Variants in RANBP3 observed in about 807,000 individuals in gnomAD.
The protein encoded by RANBP3 is ran-binding protein 3.
RANBP3 carries 14 observed loss-of-function variants against 77.3 expected under a neutral mutation model. The ratio of observed to expected loss-of-function variants is 0.18; its 90% CI spans 0.12 to 0.28. The LOEUF is 0.28. RANBP3 is among the 10% of genes least tolerant of loss of function. The pLI is 1.00. For missense variants in RANBP3, 586 were observed against 752.3 expected, an observed-to-expected ratio of 0.78 and a Z score of 2.59; for synonymous variants, 315 against 312.4, an observed-to-expected ratio of 1.01 and a Z score of -0.09.
Position 5,917,948 on chromosome 19 carries a change from T to C in RANBP3, c.1506A>G (p.Ala502=). The C allele has an allele frequency of 6.2e-7, 1 of 1,608,546 alleles. No individual in the cohort carries two copies. Among genetic ancestry groups the C allele is most frequent in the Non-Finnish European group, 8.5e-7 (1 of 1,177,016 alleles). ...GGGCCAGGATGCGGTGGTGCAGGGCTGCATACAACTGACCTGTGTCCTTGG... is the reference window on the plus strand; with the variant it reads ...GGGCCAGGATGCGGTGGTGCAGGGCCGCATACAACTGACCTGTGTCCTTGG... ...ASSKDTGQLY[A]ALHHRILALR... The change falls in exon 16 of 17, where the codon GCA becomes GCG. Residue 502 remains alanine (A), a synonymous_variant. Transcript: ENST00000340578.
intron 5 of RANBP3, among the ~76,000 whole-genome samples, chr19:5,935,382 C>T (rs867429505): frequency 1.3e-5 from 2 of 152,216 alleles, no homozygotes; most frequent in East Asian, 3.8e-4. Context: ...CTGCAGGATG[C>T]GGGGGTGAGC....
intron 2 of RANBP3, among the ~76,000 whole-genome samples, chr19:5,957,238 T>G (rs565790663): frequency 6.6e-5 from 10 of 152,276 alleles, no homozygotes; most frequent in African/African-American, 2.2e-4. Flanking sequence ...GCCGATGGCT[T>G]CAAGGTAAAT....
chr19:5,963,638 T>A (rs2058430281), intron 1 of RANBP3, among the ~76,000 whole-genome samples: 1 of 152,192 alleles, frequency 6.6e-6, no homozygotes, highest in African/African-American at 2.4e-5. Context: ...TCCAGGGACA[T>A]CCACAATGAG....
At chr19:5,965,149 G>A (rs2058451917) in intron 1 of RANBP3, among the ~76,000 whole-genome samples, 1 of 152,102 alleles carries the variant, frequency 6.6e-6, no homozygotes, top group South Asian at 2.1e-4. Context: ...GGGGCTTGAG[G>A]AGGTGGGCCC....
intron 9 of RANBP3, 40 bp downstream of exon 9, chr19:5,927,928 G>A: frequency 2.5e-6 from 4 of 1,574,040 alleles, no homozygotes; most frequent in East Asian, 2.3e-5. Flanking sequence ...ACCTGGGGAA[G>A]GCATAAAAAG....
rs544479501 is a variant in RANBP3, at chr19:5,947,030, C to T, written c.282+4363G>A. Among the ~76,000 whole-genome samples, 19 of 152,298 alleles carry T rather than the reference C, an allele frequency of 1.2e-4. 1 individual carries two copies. Among genetic ancestry groups the T allele is most frequent in the Admixed American group, 1.2e-3 (18 of 15,306 alleles). On this transcript the variant is annotated intron_variant, in intron 3 of 16. Transcript: ENST00000340578. ...TCAGGAGGATTTTAAGAGCAAGCTC[C>T]AGGCCGGGCACGGTGGCTCATGCCT...
intron 3 of RANBP3, among the ~76,000 whole-genome samples, chr19:5,944,822 T>A (rs1477049225): frequency 6.6e-6 from 1 of 152,204 alleles, no homozygotes; most frequent in African/African-American, 2.4e-5. Context: ...AGTCCCATCC[T>A]GTGGCTCTAG....
intron 5 of RANBP3, 196 bp from the exon 6 acceptor site, chr19:5,933,675 A>G (rs910866988): frequency 9.4e-6 from 5 of 531,322 alleles, no homozygotes; most frequent in African/African-American, 7.8e-5. Context: ...GGGGAGAGAC[A>G]AGGGCAGGAG....
intron 3 of RANBP3, among the ~76,000 whole-genome samples, chr19:5,946,980 G>A (rs1322378935): frequency 6.6e-6 from 1 of 152,192 alleles, no homozygotes; most frequent in Non-Finnish European, 1.5e-5. Flanking sequence ...CTCAGGGTCA[G>A]CCCCCAGAGG....
chr19:5,921,414 C>T lies in RANBP3; in HGVS notation c.1210-93G>A, dbSNP rs1265174289. 6.6e-7 allele frequency: 1 copy of T among 1,516,678 alleles called. No homozygotes were observed. Among genetic ancestry groups the T allele is most frequent in the Non-Finnish European group, 8.9e-7 (1 of 1,124,858 alleles). 94.0% of individuals were successfully genotyped at this position (1,516,678 alleles called of 1,614,324 possible). On this transcript the variant is annotated intron_variant, in intron 13 of 16. Transcript: ENST00000340578. The surrounding 1 kb of genome is among the most constrained non-coding windows in gnomAD (Gnocchi z 5.3). ...GTCGCCCTTTAGCCTGTGGGGACTG[C>T]CAGGGCCAGCCAACGACGGCCTGGG...
intron 1 of RANBP3, among the ~76,000 whole-genome samples, chr19:5,966,224 G>A (rs1421784606): frequency 6.6e-6 from 1 of 152,210 alleles, no homozygotes; most frequent in African/African-American, 2.4e-5. Flanking sequence ...AGCACCTATG[G>A]AGGAGCACGA....
chr19:5,952,024 G>A lies in RANBP3; in HGVS notation c.79-428C>T, dbSNP rs922728822. On this transcript the variant is annotated intron_variant, in intron 2 of 16. Transcript: ENST00000340578. The surrounding 1 kb of genome is among the most constrained non-coding windows in gnomAD (Gnocchi z 4.1). ...ACCATTTCTGTGCTTTAGGAAAGAG[G>A]GAGGTGGCTGGAACCCCAAAGTTAG... Among the ~76,000 whole-genome samples the A allele has an allele frequency of 5.3e-5, 8 of 152,192 alleles. No homozygotes were observed. The highest frequency in any genetic ancestry group is 1.7e-4 in the African/African-American group (7 of 41,426).
In RANBP3 at chr19:5,928,018, C is replaced by A; in HGVS notation, c.763G>T (p.Ala255Ser). 2 of 1,613,804 alleles carry A rather than the reference C, an allele frequency of 1.2e-6. No individual in the cohort carries two copies. The highest frequency in any genetic ancestry group is 1.7e-6 in the Non-Finnish European group (2 of 1,179,852). ...CCAAATACAAAGGCTTGCTGTGTGG[C>A]GGGGTCTTTTTTCTCACAGGCTTCC... Reference protein sequence around the residue: ...EEEACEKKDPATQQAFVFGQN... With the variant: ...EEEACEKKDPSTQQAFVFGQN... Residue 255 changes from alanine (A) to serine (S), a missense_variant, in exon 9 of 17, where the codon GCC (alanine) becomes TCC (serine). Coordinates refer to ENST00000340578, the MANE Select transcript of RANBP3 (RefSeq NM_007322.3).
chr19:5,933,539 G>T, intron 5 of RANBP3, 60 bp from the exon 6 acceptor site: 1 of 1,459,464 alleles, frequency 6.9e-7, no homozygotes, highest in Non-Finnish European at 9.6e-7. Context: ...TGGGCCTGGG[G>T]GGCAAGGGCA....
intron 5 of RANBP3, among the ~76,000 whole-genome samples, chr19:5,941,241 G>A (rs1255460624): frequency 2.6e-5 from 4 of 152,214 alleles, no homozygotes. Context: ...ATGCAGCTGA[G>A]GGGTTGGGAG....
At chr19:5,925,797 C>T in intron 9 of RANBP3, 60 bp from the exon 10 acceptor site, 1 of 1,395,430 alleles carries the variant, frequency 7.2e-7, no homozygotes. Context: ...AGTTCCACAG[C>T]TCAGTGTCTG....
chr19:5,954,981 T>C (rs1458907968), intron 2 of RANBP3, among the ~76,000 whole-genome samples: 1 of 152,186 alleles, frequency 6.6e-6, no homozygotes, highest in Non-Finnish European at 1.5e-5. Context: ...CCCACATGCC[T>C]CTTCAGCGAC....
intron 1 of RANBP3, among the ~76,000 whole-genome samples, chr19:5,963,662 G>A (rs1186106331): frequency 2.0e-5 from 3 of 152,224 alleles, no homozygotes; most frequent in Non-Finnish European, 4.4e-5. Context: ...TGAGAATGAC[G>A]TTTCAAGGAC....
At chr19:5,943,823 A>C (rs2058169317) in intron 3 of RANBP3, among the ~76,000 whole-genome samples, 1 of 152,222 alleles carries the variant, frequency 6.6e-6, no homozygotes, top group Non-Finnish European at 1.5e-5. Flanking sequence ...AGTGGGTTCT[A>C]TTAGTCACTG....
Sources: allele counts gnomAD v4.1 joint callset (sites outside exome capture counted in the v4.1 genomes callset), GRCh38; gene constraint gnomAD v4.1.1; non-coding constraint Gnocchi (gnomAD v3.1); transcripts MANE v1.5; gene names NCBI Gene and HGNC (gene_info 2026-07-23, HGNC 2026-07-21).